The following SPTB variants were observed in gnomAD, a reference collection of about 807,000 sequenced individuals.
SPTB encodes spectrin beta chain, erythrocytic.
A neutral mutation model predicts 256.2 loss-of-function variants in SPTB; 45 were observed. That is an observed-to-expected ratio of 0.18 (90% confidence interval 0.14 to 0.23). The LOEUF is 0.23. Ranked by LOEUF, SPTB falls within the 10% of genes least tolerant of loss-of-function variation. The pLI, the probability that SPTB is intolerant of heterozygous loss-of-function variation, is 1.00. For missense variants in SPTB, 2,715 were observed against 3,040.4 expected, an observed-to-expected ratio of 0.89 and a Z score of 2.52; for synonymous variants, 1,231 against 1,243.1, an observed-to-expected ratio of 0.99 and a Z score of 0.21.
intron 2 of SPTB, among the ~76,000 whole-genome samples, chr14:64,814,717 A>C (rs1488756890): frequency 6.6e-6 from 1 of 152,086 alleles, no homozygotes; most frequent in Admixed American, 6.5e-5. Flanking sequence ...GGGTTTCGCC[A>C]TGTTGGCCAG....
At chr14:64,820,871 T>A (rs2083274459) in intron 2 of SPTB, among the ~76,000 whole-genome samples, 1 of 151,702 alleles carries the variant, frequency 6.6e-6, no homozygotes, top group African/African-American at 2.4e-5. Context: ...AGAGATGGAG[T>A]TTCGCCCTCT....
chr14:64,749,226 G>C lies in SPTB; in HGVS notation c.*80C>G, dbSNP rs1430909427. 1.3e-6 allele frequency: 2 copies of C among 1,494,632 alleles called. No homozygotes were observed. Among genetic ancestry groups the C allele is most frequent in the Non-Finnish European group, 1.8e-6 (2 of 1,112,532 alleles). 92.6% of individuals were successfully genotyped at this position (1,494,632 alleles called of 1,614,324 possible). On this transcript the variant is annotated 3_prime_UTR_variant, in exon 36 of 36. Coordinates refer to ENST00000644917, the MANE Select transcript of SPTB (RefSeq NM_001355436.2). The surrounding 1 kb of genome is among the most constrained non-coding windows in gnomAD (Gnocchi z 4.7). The stretch of plus-strand genomic sequence containing the variant: ...CGACTCATCTCGATTCGACCGGCGG[G>C]CGGCGGCGAGAGGAGGCCAAGGCCT...
intron 32 of SPTB, chr14:64,755,002 C>G (rs1472010915): frequency 1.3e-5 from 2 of 152,332 alleles, no homozygotes; most frequent in Non-Finnish European, 2.9e-5. Context: ...AAACACCTTT[C>G]AGCAAGAGGT....
intron 32 of SPTB, among the ~76,000 whole-genome samples, chr14:64,761,763 G>A (rs561750972): frequency 6.6e-6 from 1 of 152,328 alleles, no homozygotes; most frequent in South Asian, 2.1e-4. Context: ...TGAAGGAGCT[G>A]CTGGCTGCTT....
In SPTB at chr14:64,823,697, G is replaced by A. The variant is rs1352763818; in HGVS notation, c.-51-552C>T. Among the ~76,000 whole-genome samples, 1 of 152,186 alleles carries A rather than the reference G, an allele frequency of 6.6e-6. No homozygotes were observed. The highest frequency in any genetic ancestry group is 1.5e-5 in the Non-Finnish European group (1 of 68,028). ...GCCACCAGCCCGGGGCAGCTGCACT[G>A]GGGGGACTTCACTCCTCCCGGAGGC... On this transcript the variant is annotated intron_variant, in intron 1 of 35. Coordinates refer to ENST00000644917, the MANE Select transcript of SPTB (RefSeq NM_001355436.2). This position sits in a 1 kb window ranked among gnomAD's most constrained non-coding sequence, Gnocchi z 6.5.
intron 1 of SPTB, among the ~76,000 whole-genome samples, chr14:64,870,522 CTA>C: frequency 6.6e-6 from 1 of 152,202 alleles, no homozygotes; most frequent in Non-Finnish European, 1.5e-5. Context: ...TGCCTGTCCT[CTA>C]AAAGTCTACA....
chr14:64,749,355 CCGAGGCTGGCGT>C lies in SPTB; in HGVS notation c.6926_6937del (p.Asp2309_Leu2312del), dbSNP rs748362034. On this transcript the variant is annotated inframe_deletion, in exon 36 of 36. Transcript: ENST00000644917. The surrounding 1 kb of genome is among the most constrained non-coding windows in gnomAD (Gnocchi z 4.7). Reference sequence around the variant, plus strand: ...GAATCTCTTCTCCTTGTCTTTCTTGCCGAGGCTGGCGTCGGGGCCGGAGAGGGAAGGCAGGGG... The same window carrying C: ...GAATCTCTTCTCCTTGTCTTTCTTGCCGGGGCCGGAGAGGGAAGGCAGGGG... 1 of 1,610,416 alleles carries C rather than the reference CCGAGGCTGGCGT, an allele frequency of 6.2e-7. No homozygotes were observed. Among genetic ancestry groups the C allele is most frequent in the African/African-American group, 1.3e-5 (1 of 75,054 alleles).
chr14:64,878,875 C>T (rs1882961974), intron 1 of SPTB, among the ~76,000 whole-genome samples: 1 of 151,864 alleles, frequency 6.6e-6, no homozygotes. Flanking sequence ...CCTCTAATTG[C>T]TCACTGAAAA....
intron 2 of SPTB, among the ~76,000 whole-genome samples, chr14:64,809,791 A>C (rs2083053474): frequency 6.6e-6 from 1 of 152,214 alleles, no homozygotes; most frequent in South Asian, 2.1e-4. Context: ...GTTTCAGATT[A>C]CATCTCAAAG....
chr14:64,823,136 G>A lies in SPTB; in HGVS notation c.-42C>T, dbSNP rs1444632689. 1.2e-6 allele frequency: 2 copies of A among 1,613,294 alleles called. No individual in the cohort carries two copies. Among genetic ancestry groups the A allele is most frequent in the Non-Finnish European group, 1.7e-6 (2 of 1,179,380 alleles). ...CAGCTCCGCCTGCCTCAGTCTTCAT[G>A]GAAGGATCCCTGGGGGACAGCAACA... On this transcript the variant is annotated 5_prime_UTR_variant, in exon 2 of 36. Transcript: ENST00000644917. This position sits in a 1 kb window ranked among gnomAD's most constrained non-coding sequence, Gnocchi z 6.5.
intron 32 of SPTB, chr14:64,754,249 T>A: frequency 3.5e-6 from 1 of 285,950 alleles, no homozygotes; most frequent in South Asian, 3.7e-5. Flanking sequence ...AGTAGAATGT[T>A]GAATGGGAAC....
At position 64,749,616 on chromosome 14, in the gene SPTB, C is replaced by T. The variant is rs2139416650; in HGVS notation, c.6819+38G>A. 4 of 1,612,746 alleles carry T rather than the reference C, an allele frequency of 2.5e-6. No individual in the cohort carries two copies. The highest frequency in any genetic ancestry group is 2.5e-6 in the Non-Finnish European group (3 of 1,179,858). ...CGGCCTGGGGTCCTCCACCTACCCC[C>T]TTCTTAGCCAGGTCTGGGCTAGGCT... On this transcript the variant is annotated intron_variant, in intron 35 of 35. Coordinates refer to ENST00000644917, the MANE Select transcript of SPTB (RefSeq NM_001355436.2). This position sits in a 1 kb window ranked among gnomAD's most constrained non-coding sequence, Gnocchi z 4.7.
At position 64,845,890 on chromosome 14, in the gene SPTB, T is replaced by C. The variant is rs571265798; in HGVS notation, c.-51-22745A>G. On this transcript the variant is annotated intron_variant, in intron 1 of 35. Coordinates refer to ENST00000644917, the MANE Select transcript of SPTB (RefSeq NM_001355436.2). This position sits in a 1 kb window ranked among gnomAD's most constrained non-coding sequence, Gnocchi z 4.8. ...CATGGTCAGGCATTTTGGGCCAATA[T>C]TGACTTTCCAAAAAAAACCCGCTCT... Among the ~76,000 whole-genome samples the C allele has an allele frequency of 3.4e-5, 5 of 147,434 alleles. No individual in the cohort carries two copies. The highest frequency in any genetic ancestry group is 7.4e-5 in the Non-Finnish European group (5 of 67,460).
chr14:64,843,077 G>A (rs1417548392), intron 1 of SPTB, among the ~76,000 whole-genome samples: 4 of 152,068 alleles, frequency 2.6e-5, no homozygotes, highest in Admixed American at 1.3e-4. Flanking sequence ...AAAAAAAGGG[G>A]GAGGGAAGAC....
At chr14:64,877,040 A>T (rs752564805) in intron 1 of SPTB, among the ~76,000 whole-genome samples, 7 of 151,970 alleles carry the variant, frequency 4.6e-5, no homozygotes, top group Non-Finnish European at 1.0e-4. Context: ...CCTCTCCAAT[A>T]GTGTTTGCCT....
chr14:64,798,769 T>C (rs1341761334), intron 9 of SPTB, among the ~76,000 whole-genome samples: 4 of 152,348 alleles, frequency 2.6e-5, no homozygotes, highest in South Asian at 2.1e-4. Flanking sequence ...TACTTGTTTA[T>C]AGTATATCCT....
chr14:64,849,214 C>T (rs536393516), intron 1 of SPTB, among the ~76,000 whole-genome samples: 48 of 152,226 alleles, frequency 3.2e-4, no homozygotes, highest in African/African-American at 1.1e-3. Context: ...AAATTTAAAA[C>T]GTTCTGAATT....
In SPTB at chr14:64,844,401, T is replaced by C. The variant is rs1294616878; in HGVS notation, c.-51-21256A>G. ...CAACGAAACAACCATGTTTAGTGAG[T>C]ACTTAGAACATGTGAGGCACCATGC... On this transcript the variant is annotated intron_variant, in intron 1 of 35. Transcript: ENST00000644917. The surrounding 1 kb of genome is among the most constrained non-coding windows in gnomAD (Gnocchi z 4.1). Among the ~76,000 whole-genome samples the C allele has an allele frequency of 3.9e-5, 6 of 152,188 alleles. No individual in the cohort carries two copies. The highest frequency in any genetic ancestry group is 1.5e-5 in the Non-Finnish European group (1 of 68,022).
chr14:64,813,676 C>T (rs1044592975), intron 2 of SPTB, among the ~76,000 whole-genome samples: 5 of 152,220 alleles, frequency 3.3e-5, no homozygotes, highest in African/African-American at 1.2e-4. Context: ...GCAAGCGCCA[C>T]CACGCCCAGC....
Sources: allele counts gnomAD v4.1 joint callset (sites outside exome capture counted in the v4.1 genomes callset), GRCh38; gene constraint gnomAD v4.1.1; non-coding constraint Gnocchi (gnomAD v3.1); transcripts MANE v1.5; gene names NCBI Gene and HGNC (gene_info 2026-07-23, HGNC 2026-07-21).